Variants in NTN1 observed in about 807,000 individuals in gnomAD.
NTN1 encodes the protein netrin 1.
In NTN1, 11 loss-of-function variants were observed where a neutral mutation model predicts 54.2. The ratio of observed to expected loss-of-function variants is 0.20; its 90% CI spans 0.13 to 0.34. The LOEUF (loss-of-function observed/expected upper bound fraction) is 0.34. Among genes scored for constraint, NTN1 ranks in the 10% least tolerant of loss-of-function variants. NTN1 has a pLI of 1.00. For missense variants in NTN1, 740 were observed against 893.1 expected (o/e 0.83, Z 2.18); for synonymous variants, 371 against 382.0 (o/e 0.97, Z 0.33).
intron 6 of NTN1, among the ~76,000 whole-genome samples, chr17:9,227,118 G>A (rs1905594252): frequency 6.6e-6 from 1 of 152,000 alleles, no homozygotes; most frequent in Admixed American, 6.6e-5. Context: ...CCTCCTGTCT[G>A]CGCTGCCTCC....
intron 2 of NTN1, among the ~76,000 whole-genome samples, chr17:9,027,172 A>T (rs1194505841): frequency 6.6e-6 from 1 of 152,114 alleles, no homozygotes; most frequent in East Asian, 1.9e-4. Context: ...AGAAAGCTGA[A>T]ATTATTTGCT....
At chr17:9,106,578 C>T (rs555519901) in intron 2 of NTN1, among the ~76,000 whole-genome samples, 82 of 151,268 alleles carry the variant, frequency 5.4e-4, no homozygotes, top group African/African-American at 1.8e-3. Context: ...CAGTGGTGCA[C>T]GCTCGGCTCA....
chr17:9,167,828 C>T (rs532049155), intron 3 of NTN1, among the ~76,000 whole-genome samples: 18 of 152,280 alleles, frequency 1.2e-4, no homozygotes, highest in African/African-American at 3.6e-4. Flanking sequence ...CTTTCTCATT[C>T]GTGATTCTCC....
chr17:9,147,880 A>T (rs749708341), intron 2 of NTN1, among the ~76,000 whole-genome samples: 5 of 152,248 alleles, frequency 3.3e-5, no homozygotes, highest in Non-Finnish European at 5.9e-5. Flanking sequence ...AACTGGATTC[A>T]GAATTGGGGT....
At chr17:9,131,834 T>TGCTCTGTTGCCCAG (rs1482147749) in intron 2 of NTN1, among the ~76,000 whole-genome samples, 1 of 152,104 alleles carries the variant, frequency 6.6e-6, no homozygotes, top group African/African-American at 2.4e-5. Flanking sequence ...GACGGAGTCT[T>TGCTCTGTTGCCCAG]GCTCTGTTGC....
intron 2 of NTN1, among the ~76,000 whole-genome samples, chr17:9,127,839 G>A (rs186296684): frequency 6.6e-6 from 1 of 152,202 alleles, no homozygotes; most frequent in Admixed American, 6.5e-5. Context: ...TAGGTTGGTC[G>A]GGCACAGTGA....
chr17:9,030,925 C>T (rs779800746), intron 2 of NTN1, among the ~76,000 whole-genome samples: 18 of 152,260 alleles, frequency 1.2e-4, no homozygotes, highest in Non-Finnish European at 2.1e-4. Context: ...AGAAGTCTGT[C>T]TCCCTGGAGG....
At chr17:9,226,085 G>A (rs949771471) in intron 6 of NTN1, among the ~76,000 whole-genome samples, 4 of 147,072 alleles carry the variant, frequency 2.7e-5, no homozygotes, top group African/African-American at 7.5e-5. Flanking sequence ...GTGTTCTCTC[G>A]GGCACACGCT....
At chr17:9,100,711 A>C (rs911562465) in intron 2 of NTN1, among the ~76,000 whole-genome samples, 1 of 152,064 alleles carries the variant, frequency 6.6e-6, no homozygotes, top group Non-Finnish European at 1.5e-5. Flanking sequence ...TCCTTTGTCT[A>C]CCTTTTAATG....
chr17:9,183,046 G>A lies in NTN1; in HGVS notation c.1411+77G>A, dbSNP rs941147749. 4.1e-6 allele frequency: 6 copies of A among 1,454,804 alleles called. No individual in the cohort carries two copies. The Admixed American group carries it at 5.0e-5, about 12-fold the overall frequency. 90.1% of individuals were successfully genotyped at this position (1,454,804 alleles called of 1,614,324 possible). On this transcript the variant is annotated intron_variant, in intron 5 of 6. Transcript: ENST00000173229. ...GGTGGGGTGGGTTAATGGGGAAGGGGCATTGGAAAGCCCAGACTCCTCTAA... is the reference window on the plus strand; with the variant it reads ...GGTGGGGTGGGTTAATGGGGAAGGGACATTGGAAAGCCCAGACTCCTCTAA...
chr17:9,054,558 T>C lies in NTN1; in HGVS notation c.1018+31167T>C, dbSNP rs1187598608. On this transcript the variant is annotated intron_variant, in intron 2 of 6. Transcript: ENST00000173229. Reference sequence around the variant, plus strand: ...GAATGAAAAAGTTTCCCCCATACAGTATCCATCAAAAGGTGCCCTTATGAG... The same window carrying C: ...GAATGAAAAAGTTTCCCCCATACAGCATCCATCAAAAGGTGCCCTTATGAG... 3.3e-5 allele frequency among the ~76,000 whole-genome samples: 5 copies of C among 152,312 alleles called. No homozygotes were observed. The South Asian group carries it at 1.0e-3, about 32-fold the overall frequency.
intron 5 of NTN1, chr17:9,183,342 G>A: frequency 1.9e-6 from 1 of 522,646 alleles, no homozygotes; most frequent in Non-Finnish European, 3.8e-6. Context: ...GATACAGAAG[G>A]AGGCTTGGGC....
chr17:9,087,316 C>T (rs180689840), intron 2 of NTN1, among the ~76,000 whole-genome samples: 4 of 152,098 alleles, frequency 2.6e-5, no homozygotes, highest in East Asian at 1.9e-4. Context: ...TGGGGGCATT[C>T]GAGACCCAAA....
chr17:9,148,338 A>G (rs75193273), intron 2 of NTN1, among the ~76,000 whole-genome samples: 3,115 of 152,288 alleles, frequency 0.02, 38 homozygotes, highest in African/African-American at 0.035. Context: ...GAGTTAAGAA[A>G]AACCCAAACA....
chr17:9,178,196 CAAAAG>C (rs980811072), intron 3 of NTN1, among the ~76,000 whole-genome samples: 2 of 152,108 alleles, frequency 1.3e-5, no homozygotes, highest in African/African-American at 2.4e-5. Context: ...AAATCCATCT[CAAAAG>C]AAAAGAAAAA....
intron 2 of NTN1, among the ~76,000 whole-genome samples, chr17:9,113,191 T>C (rs2092198567): frequency 6.6e-6 from 1 of 151,642 alleles, no homozygotes; most frequent in Non-Finnish European, 1.5e-5. Flanking sequence ...GCCTGGCTAA[T>C]TTTTGTATTT....
At chr17:9,064,646 ACAT>A in intron 2 of NTN1, among the ~76,000 whole-genome samples, 1 of 151,908 alleles carries the variant, frequency 6.6e-6, no homozygotes, top group African/African-American at 2.4e-5. Flanking sequence ...GTATTTCATG[ACAT>A]CATTCACATC....
chr17:9,098,887 A>G (rs1018569159), intron 2 of NTN1, among the ~76,000 whole-genome samples: 4 of 152,270 alleles, frequency 2.6e-5, no homozygotes, highest in Admixed American at 6.5e-5. Context: ...AAGAAAATAT[A>G]GAAAAATAGA....
chr17:9,228,042 G>A (rs1871930191), intron 6 of NTN1, among the ~76,000 whole-genome samples: 1 of 152,178 alleles, frequency 6.6e-6, no homozygotes, highest in Non-Finnish European at 1.5e-5. Context: ...ATCCTGCCCT[G>A]GGTGCTGAGC....
Sources: allele counts gnomAD v4.1 joint callset (sites outside exome capture counted in the v4.1 genomes callset), GRCh38; gene constraint gnomAD v4.1.1; transcripts MANE v1.5; gene names NCBI Gene and HGNC (gene_info 2026-07-23, HGNC 2026-07-21).